The following TAF1 variants were observed in gnomAD, a reference collection of about 807,000 sequenced individuals.
TAF1 encodes the protein transcription initiation factor TFIID subunit 1.
A neutral mutation model predicts 138.5 loss-of-function variants in TAF1; 2 were observed. The observed-to-expected ratio is 0.01, with a 90% CI of 0.01 to 0.05. The LOEUF (loss-of-function observed/expected upper bound fraction) is 0.05. TAF1 is among the 10% of genes least tolerant of loss of function. TAF1 has a pLI of 1.00. For synonymous variants in TAF1, 437 were observed against 503.2 expected (o/e 0.87, Z 1.76); for missense variants, 709 against 1,478.0 (o/e 0.48, Z 8.53).
At chrX:71,530,212 T>C (rs2040077157) in exon 15 of TAF1, 1 of 119,100 alleles carries the variant, frequency 8.4e-6, no homozygotes, top group Admixed American at 9.4e-5. Flanking sequence ...CTGGAAGGTT[T>C]TAAGATCAAT....
chrX:71,394,428 C>T (rs1221622945), intron 22 of TAF1, among the ~76,000 whole-genome samples, 183 bp downstream of exon 22: 2 of 112,350 alleles, frequency 1.8e-5, no homozygotes, highest in African/African-American at 6.5e-5. Flanking sequence ...TGTGGAGGAC[C>T]AATTGCAGAG....
chrX:71,366,515 G>GGGGGGT, intron 1 of TAF1, 21 bp downstream of exon 1: 1 of 418,748 alleles, frequency 2.4e-6, no homozygotes, highest in Non-Finnish European at 3.9e-6. Context: ...GGGCGTGGGG[G>GGGGGGT]TAGGGCTCGG....
chrX:71,474,386 T>G (rs905630069), intron 13 of TAF1, among the ~76,000 whole-genome samples: 1 of 111,614 alleles, frequency 9.0e-6, no homozygotes, highest in Non-Finnish European at 1.9e-5. Context: ...GCACCTGTTA[T>G]AAGACTATAA....
chrX:71,402,608 C>T (rs1330980038), intron 25 of TAF1, among the ~76,000 whole-genome samples: 1 of 112,143 alleles, frequency 8.9e-6, no homozygotes, highest in African/African-American at 3.2e-5. Flanking sequence ...ATACTTGTGT[C>T]TTGCCCTCAG....
At chrX:71,399,571 T>TC (rs1358222769) in intron 24 of TAF1, among the ~76,000 whole-genome samples, 1 of 83,800 alleles carries the variant, frequency 1.2e-5, no homozygotes, top group African/African-American at 4.4e-5. Flanking sequence ...TTTATTCTTT[T>TC]TTTTTTTTTT....
At chrX:71,467,927 T>G (rs1462999063), downstream of TAF1, among the ~76,000 whole-genome samples, 1 of 111,871 alleles carries the variant, frequency 8.9e-6, no homozygotes, top group East Asian at 2.8e-4. Flanking sequence ...CAGTACAACT[T>G]TGCTGAAAGC....
At chrX:71,396,607 T>A (rs1324388309) in intron 22 of TAF1, among the ~76,000 whole-genome samples, 1 of 112,044 alleles carries the variant, frequency 8.9e-6, no homozygotes, top group Non-Finnish European at 1.9e-5. Flanking sequence ...TGCTTTTATC[T>A]GTAATGTGAT....
At chrX:71,368,492 T>G (rs1358788974) in intron 3 of TAF1, among the ~76,000 whole-genome samples, 4 of 111,357 alleles carry the variant, frequency 3.6e-5, no homozygotes, top group Non-Finnish European at 7.5e-5. Flanking sequence ...TTGGAAACTA[T>G]GAAACAAATT....
At chrX:71,427,595 T>A (rs1382028566) in intron 32 of TAF1, among the ~76,000 whole-genome samples, 1 of 110,919 alleles carries the variant, frequency 9.0e-6, no homozygotes. Flanking sequence ...AAGAGAAAAA[T>A]TAAATAGCTA....
chrX:71,494,842 C>T (rs972139654), intron 13 of TAF1, among the ~76,000 whole-genome samples: 1 of 112,173 alleles, frequency 8.9e-6, no homozygotes, highest in Non-Finnish European at 1.9e-5. Flanking sequence ...GGGACCTGAG[C>T]GGGTTACTGC....
chrX:71,383,669 T>C (rs993956835), intron 12 of TAF1, among the ~76,000 whole-genome samples: 9 of 112,166 alleles, frequency 8.0e-5, no homozygotes, highest in African/African-American at 1.9e-4. Flanking sequence ...AACACTGTTA[T>C]TGGTTAGGGA....
At chrX:71,423,052 A>G in intron 29 of TAF1, 65 bp from the exon 30 acceptor site, 1 of 1,191,468 alleles carries the variant, frequency 8.4e-7, no homozygotes, top group South Asian at 1.8e-5. Context: ...AATTGTCCTT[A>G]ACTTTTCTAT....
At chrX:71,445,020 G>A (rs769870905) in intron 32 of TAF1, among the ~76,000 whole-genome samples, 24 of 110,850 alleles carry the variant, frequency 2.2e-4, no homozygotes, top group Non-Finnish European at 3.4e-4. Context: ...GAGCCACTGC[G>A]CCCAGCCCAG....
At chrX:71,403,888 G>C (rs2035309779) in intron 25 of TAF1, among the ~76,000 whole-genome samples, 1 of 104,980 alleles carries the variant, frequency 9.5e-6, no homozygotes, top group Non-Finnish European at 1.9e-5. Flanking sequence ...ACTCCCTCAA[G>C]CCAGATCCTG....
At position 71,423,228 on chromosome X, in the gene TAF1, G is replaced by C. The variant is rs2036441245; in HGVS notation, c.4564G>C (p.Ala1522Pro). Residue 1522 changes from alanine to proline, a missense_variant, in exon 30 of 38, where the codon GCA (alanine) becomes CCA (proline). By Grantham distance (27) the Ala-to-Pro change is conservative. This residue lies in a region of TAF1 where 63 missense variants were observed against 163.3 expected (regional missense o/e 0.39). Coordinates refer to ENST00000423759, the MANE Select transcript of TAF1 (RefSeq NM_004606.5). The stretch of plus-strand genomic sequence containing the variant: ...CAACATTGTCACCCAGAAAATGATG[G>C]CAGTTCCAGATGTAAGCTGTCTCTG... ...LDNIVTQKMM[A>P]VPDSWPFHHP... The C allele has an allele frequency of 1.7e-6, 2 of 1,209,792 alleles. No individual in the cohort carries two copies. Among genetic ancestry groups the C allele is most frequent in the Non-Finnish European group, 2.2e-6 (2 of 895,154 alleles).
chrX:71,407,767 G>A (rs2035550593), intron 27 of TAF1, 95 bp downstream of exon 27: 1 of 1,018,648 alleles, frequency 9.8e-7, no homozygotes. Context: ...GTAGATTTAG[G>A]TAACTGGAAT....
intron 32 of TAF1, among the ~76,000 whole-genome samples, chrX:71,431,310 C>A (rs1297394858): frequency 9.1e-6 from 1 of 109,623 alleles, no homozygotes; most frequent in Admixed American, 9.8e-5. Flanking sequence ...TGCTCCACCT[C>A]CCTCGGCTTC....
At chrX:71,371,349 T>C (rs934705126) in intron 3 of TAF1, among the ~76,000 whole-genome samples, 1 of 111,372 alleles carries the variant, frequency 9.0e-6, no homozygotes, top group Non-Finnish European at 1.9e-5. Flanking sequence ...TGGAAGTGGG[T>C]GTAGATTGCT....
chrX:71,420,022 CTTT>C, intron 28 of TAF1: 5 of 240,285 alleles, frequency 2.1e-5, no homozygotes, highest in South Asian at 1.5e-4. Context: ...TTTTTTAATT[CTTT>C]TTTTTTTTCC....
Sources: allele counts gnomAD v4.1 joint callset (sites outside exome capture counted in the v4.1 genomes callset), GRCh38; gene constraint gnomAD v4.1.1; regional missense constraint gnomAD v4.1.1; transcripts MANE v1.5; gene names NCBI Gene and HGNC (gene_info 2026-07-23, HGNC 2026-07-21).